Variants in CC2D2A observed in about 807,000 individuals in gnomAD.
CC2D2A encodes the protein coiled-coil and C2 domain containing 2A, also known as coiled-coil and C2 domain-containing protein 2A.
A neutral mutation model predicts 212.9 loss-of-function variants in CC2D2A; 155 were observed. The ratio of observed to expected loss-of-function variants is 0.73; its 90% confidence interval spans 0.64 to 0.83. The LOEUF (loss-of-function observed/expected upper bound fraction) is 0.83, where lower values mean the gene tolerates loss of function less well. Among genes scored for constraint, CC2D2A ranks in the 40% least tolerant of loss-of-function variants. The pLI is 0.00. For missense variants in CC2D2A, 1,856 were observed against 1,956.2 expected, an observed-to-expected ratio of 0.95 and a Z score of 0.97; for synonymous variants, 667 against 686.5, an observed-to-expected ratio of 0.97 and a Z score of 0.44.
chr4:15,479,466 C>T (rs1203285781), intron 3 of CC2D2A: 15 of 716,464 alleles, frequency 2.1e-5, no homozygotes, highest in Non-Finnish European at 3.6e-5. Context: ...CCAGCAGTCA[C>T]GTGAAGGGGC....
At chr4:15,537,198 C>G (rs917633652) in intron 15 of CC2D2A, 122 bp downstream of exon 15, 13 of 771,974 alleles carry the variant, frequency 1.7e-5, no homozygotes, top group East Asian at 8.3e-5. Context: ...CTCCCTCTGT[C>G]TCTTCCCCGT....
Position 15,480,716 on chromosome 4 carries a change from G to C in CC2D2A, c.136G>C (p.Val46Leu). 1 of 1,610,780 alleles carries C rather than the reference G, an allele frequency of 6.2e-7. No homozygotes were observed. The highest frequency in any genetic ancestry group is 1.3e-5 in the African/African-American group (1 of 74,926). ...QPRKKQPPTAVPKEMVSEKSH... is the reference protein window; with the variant it reads ...QPRKKQPPTALPKEMVSEKSH... ...CTTCTTCCTCCAGCCACCAACTGCT[G>C]TCCCCAAGGAAATGGTGTCCGAAAA... Residue 46 changes from valine to leucine, a missense_variant, in exon 4 of 37, where the codon GTC becomes CTC. Coordinates refer to ENST00000424120, the MANE Select transcript of CC2D2A (RefSeq NM_001378615.1).
intron 9 of CC2D2A, 40 bp downstream of exon 9, chr4:15,514,909 G>A (rs756585188): frequency 1.9e-5 from 30 of 1,579,762 alleles, no homozygotes; most frequent in East Asian, 1.8e-4. Flanking sequence ...CTTAGACATC[G>A]TCACTTACCT....
intron 33 of CC2D2A, 123 bp downstream of exon 33, chr4:15,589,802 C>A: frequency 4.8e-6 from 1 of 208,570 alleles, no homozygotes; most frequent in Non-Finnish European, 6.8e-6. Context: ...TATATATACA[C>A]ACATATATAT....
intron 23 of CC2D2A, among the ~76,000 whole-genome samples, chr4:15,561,245 A>C (rs369530576): frequency 6.6e-6 from 1 of 152,242 alleles, no homozygotes; most frequent in African/African-American, 2.4e-5. Context: ...GATGAAAGAT[A>C]ATTTCCCATA....
chr4:15,601,554 T>G (rs1425855438), downstream of CC2D2A: 19 of 619,166 alleles, frequency 3.1e-5, no homozygotes, highest in Non-Finnish European at 4.6e-5. Context: ...GTTTTCAAAC[T>G]GTGCAAAGTG....
chr4:15,477,811 T>G (rs1230968078), intron 2 of CC2D2A, among the ~76,000 whole-genome samples: 1 of 152,172 alleles, frequency 6.6e-6, no homozygotes, highest in Non-Finnish European at 1.5e-5. Context: ...GTTCATGTCT[T>G]CCCTAACCCC....
chr4:15,511,138 C>A, intron 7 of CC2D2A, 109 bp from the exon 8 acceptor site: 1 of 1,196,362 alleles, frequency 8.4e-7, no homozygotes, highest in Non-Finnish European at 1.1e-6. Flanking sequence ...GCTTCGGAGG[C>A]CTGGAATATG....
intron 28 of CC2D2A, 100 bp from the exon 29 acceptor site, chr4:15,574,050 T>C (rs961911756): frequency 3.0e-5 from 30 of 990,508 alleles, no homozygotes; most frequent in Non-Finnish European, 4.4e-5. Flanking sequence ...GTCTGAGCAA[T>C]TTTGGTTCAA....
rs763567590 is a variant in CC2D2A at position 15,537,970 on chromosome 4, C to T, written c.1836C>T (p.Pro612=). The T allele has an allele frequency of 1.2e-5, 19 of 1,610,124 alleles. No individual in the cohort carries two copies. Among genetic ancestry groups the T allele is most frequent in the South Asian group, 4.4e-5 (4 of 90,002 alleles). ...HPGDEIAEPY[P]EEDLVKPSPP... ...GTGATGAGATTGCAGAGCCGTATCCCGAGGAGGACCTTGTGAAGCCCAGCC... is the reference window on the plus strand; with the variant it reads ...GTGATGAGATTGCAGAGCCGTATCCTGAGGAGGACCTTGTGAAGCCCAGCC... The change falls in exon 16 of 37, where the codon CCC becomes CCT. Residue 612 remains proline, a synonymous_variant. Transcript: ENST00000424120.
intron 30 of CC2D2A, 124 bp from the exon 31 acceptor site, chr4:15,586,033 G>A: frequency 1.6e-6 from 1 of 614,352 alleles, no homozygotes; most frequent in Non-Finnish European, 2.9e-6. Flanking sequence ...AATATTTAGT[G>A]AGCATTAGTT....
At chr4:15,536,863 T>C in intron 14 of CC2D2A, 57 bp from the exon 15 acceptor site, 1 of 1,535,654 alleles carries the variant, frequency 6.5e-7, no homozygotes, top group Non-Finnish European at 8.9e-7. Context: ...TTGCTGTTAT[T>C]ATTGCTCTCT....
chr4:15,556,609 C>G lies in CC2D2A; in HGVS notation c.2626-695C>G, dbSNP rs183077756. Among the ~76,000 whole-genome samples, 233 of 152,298 alleles carry G rather than the reference C, an allele frequency of 1.5e-3. 2 individuals are homozygous for G. The highest frequency in any genetic ancestry group is 5.3e-3 in the African/African-American group (219 of 41,564). ...GGATTGCCTTTCCCATGCAAGGCCC[C>G]AGCACATCTTGGGGCACTAGCTTTT... On this transcript the variant is annotated intron_variant, in intron 20 of 36. Transcript: ENST00000424120.
At chr4:15,519,223 T>C (rs1717059452) in intron 11 of CC2D2A, 1 of 328,612 alleles carries the variant, frequency 3.0e-6, no homozygotes, top group Non-Finnish European at 5.9e-6. Flanking sequence ...TCCACAAATC[T>C]CTAGGGCAGA....
At chr4:15,487,775 A>T in intron 4 of CC2D2A, among the ~76,000 whole-genome samples, 1 of 131,664 alleles carries the variant, frequency 7.6e-6, no homozygotes, top group African/African-American at 2.8e-5. Context: ...GATTTTCTCC[A>T]GTAGTATGTT....
intron 1 of CC2D2A, among the ~76,000 whole-genome samples, chr4:15,470,682 TC>T (rs1221215366): frequency 1.3e-3 from 55 of 42,042 alleles, no homozygotes; most frequent in African/African-American, 3.8e-3. Flanking sequence ...TCTCTCTCTC[TC>T]TCTCTCTATA....
chr4:15,551,313 A>G (rs192289679), intron 18 of CC2D2A, among the ~76,000 whole-genome samples: 43 of 152,360 alleles, frequency 2.8e-4, no homozygotes, highest in Admixed American at 9.1e-4. Context: ...AAAAATGTAC[A>G]TCACAGTGTT....
chr4:15,533,711 C>T (rs540329498), intron 14 of CC2D2A, among the ~76,000 whole-genome samples: 4 of 152,300 alleles, frequency 2.6e-5, no homozygotes, highest in African/African-American at 9.6e-5. Flanking sequence ...TGAGATTCAT[C>T]TACTTGACAG....
In CC2D2A at chr4:15,589,666, T is replaced by C. The variant is rs776481009; in HGVS notation, c.4301T>C (p.Ile1434Thr). 1 of 1,594,778 alleles carries C rather than the reference T, an allele frequency of 6.3e-7. No individual in the cohort carries two copies. ...CCCTTGAAAAATGTGGGCTGTTTAA[T>C]AGGTCCTGACAATGTAAGTATTAAC... ...FCPLKNVGCL[I>T]GPDNIWFNIQ... Residue 1434 changes from isoleucine to threonine, a missense_variant, in exon 33 of 37, where the codon ATA becomes ACA. Ile to Thr is a moderately conservative substitution (Grantham distance 89, BLOSUM62 -1). This residue lies in a region of CC2D2A where 285 missense variants were observed against 278.4 expected (regional missense o/e 1.02). Transcript: ENST00000424120.
Sources: allele counts gnomAD v4.1 joint callset (sites outside exome capture counted in the v4.1 genomes callset), GRCh38; gene constraint gnomAD v4.1.1; regional missense constraint gnomAD v4.1.1; transcripts MANE v1.5; gene names NCBI Gene and HGNC (gene_info 2026-07-23, HGNC 2026-07-21).